The following GOLM1 variants were observed in gnomAD, a reference collection of about 807,000 sequenced individuals.
The protein encoded by GOLM1 is golgi membrane protein 1.
GOLM1 carries 31 observed loss-of-function variants against 50.5 expected under a neutral mutation model. That is an observed-to-expected ratio of 0.61 (90% CI 0.46 to 0.83). The LOEUF is 0.83. Ranked by LOEUF, GOLM1 falls within the 40% of genes least tolerant of loss-of-function variation. The pLI is 0.00. For synonymous variants in GOLM1, 178 were observed against 192.8 expected, an observed-to-expected ratio of 0.92 and a Z score of 0.64; for missense variants, 491 against 501.3, an observed-to-expected ratio of 0.98 and a Z score of 0.20.
intron 4 of GOLM1, among the ~76,000 whole-genome samples, chr9:86,049,146 T>G (rs7039590): frequency 0.17 from 25,835 of 151,614 alleles, 2,634 homozygotes; most frequent in African/African-American, 0.3. Context: ...TTTCCCCATT[T>G]CTTTGGTCAG....
chr9:86,044,354 A>G (rs1238417101), intron 5 of GOLM1, among the ~76,000 whole-genome samples: 3 of 152,190 alleles, frequency 2.0e-5, no homozygotes, highest in African/African-American at 7.2e-5. Flanking sequence ...TTTCAGTTGT[A>G]TGTGGTTATA....
At chr9:86,030,980 G>C (rs1225397928) in intron 9 of GOLM1, among the ~76,000 whole-genome samples, 1 of 152,018 alleles carries the variant, frequency 6.6e-6, no homozygotes, top group Non-Finnish European at 1.5e-5. Context: ...GGGAGGCCAA[G>C]GCAGGCGGAT....
chr9:86,039,250 C>T (rs567883043), intron 6 of GOLM1, among the ~76,000 whole-genome samples: 5 of 152,250 alleles, frequency 3.3e-5, no homozygotes, highest in South Asian at 4.1e-4. Context: ...ACCCAAACAA[C>T]GAGCTGCCAC....
chr9:86,059,965 T>C (rs956274685), intron 3 of GOLM1, among the ~76,000 whole-genome samples: 6 of 139,130 alleles, frequency 4.3e-5, no homozygotes, highest in Non-Finnish European at 6.1e-5. Context: ...ATTGTGAACA[T>C]ACCCAAACCA....
At chr9:86,030,642 T>C (rs1029998930) in intron 9 of GOLM1, among the ~76,000 whole-genome samples, 9 of 152,200 alleles carry the variant, frequency 5.9e-5, no homozygotes, top group Non-Finnish European at 2.9e-5. Context: ...ATAAATGCAG[T>C]GTATAATCCT....
At chr9:86,076,305 C>T (rs987970736) in intron 3 of GOLM1, among the ~76,000 whole-genome samples, 5 of 151,206 alleles carry the variant, frequency 3.3e-5, no homozygotes, top group African/African-American at 1.2e-4. Flanking sequence ...CCTGTAGTCC[C>T]AGCTACTTGG....
chr9:86,037,872 C>T (rs896244862), intron 6 of GOLM1, among the ~76,000 whole-genome samples: 1 of 152,048 alleles, frequency 6.6e-6, no homozygotes, highest in African/African-American at 2.4e-5. Flanking sequence ...AAACCTGCCC[C>T]AGCCAGGCGT....
At chr9:86,071,836 C>G (rs527374247) in intron 3 of GOLM1, among the ~76,000 whole-genome samples, 8 of 152,320 alleles carry the variant, frequency 5.3e-5, no homozygotes, top group African/African-American at 1.9e-4. Flanking sequence ...ACACTGCAAG[C>G]TTGGAAAACC....
intron 9 of GOLM1, among the ~76,000 whole-genome samples, chr9:86,029,222 GC>G (rs1832892235): frequency 6.6e-6 from 1 of 152,188 alleles, no homozygotes; most frequent in Non-Finnish European, 1.5e-5. Flanking sequence ...CAAAGCTGAA[GC>G]ACCTAAAGAT....
intron 6 of GOLM1, chr9:86,036,779 T>A (rs926605339): frequency 4.6e-6 from 2 of 436,272 alleles, no homozygotes; most frequent in African/African-American, 2.0e-5. Flanking sequence ...TACGGAATAA[T>A]AAAATACCTA....
intron 4 of GOLM1, among the ~76,000 whole-genome samples, chr9:86,047,803 CTA>C (rs2118707705): frequency 6.6e-6 from 1 of 152,234 alleles, no homozygotes; most frequent in South Asian, 2.1e-4. Context: ...TCGCAAATAA[CTA>C]TGCTGAGAGA....
At chr9:86,087,987 T>A (rs1304052560) in intron 1 of GOLM1, among the ~76,000 whole-genome samples, 1 of 152,168 alleles carries the variant, frequency 6.6e-6, no homozygotes, top group Non-Finnish European at 1.5e-5. Flanking sequence ...TCTTTTTCTA[T>A]TGTTTGGAAT....
At chr9:86,061,508 C>A (rs897724567) in intron 3 of GOLM1, among the ~76,000 whole-genome samples, 1 of 152,176 alleles carries the variant, frequency 6.6e-6, no homozygotes, top group South Asian at 2.1e-4. Context: ...AAAAGAAAAA[C>A]GAGTAACAGA....
intron 5 of GOLM1, among the ~76,000 whole-genome samples, chr9:86,043,439 G>A (rs930810092): frequency 7.9e-5 from 12 of 152,158 alleles, no homozygotes; most frequent in Non-Finnish European, 1.8e-4. Flanking sequence ...AAGGGAGGGC[G>A]TGCAGATATG....
At chr9:86,033,258 C>T (rs763475766) in intron 9 of GOLM1, 24 bp downstream of exon 9, 1 of 1,289,002 alleles carries the variant, frequency 7.8e-7, no homozygotes, top group Non-Finnish European at 1.1e-6. Context: ...GTGACCTCGT[C>T]ACCGATGTAG....
At chr9:86,080,616 GCTT>G (rs1355959440) in intron 1 of GOLM1, among the ~76,000 whole-genome samples, 1 of 152,070 alleles carries the variant, frequency 6.6e-6, no homozygotes, top group Non-Finnish European at 1.5e-5. Flanking sequence ...TCACCAAAAG[GCTT>G]CTTTTTTCTT....
chr9:86,050,796 G>A (rs1833721092), intron 4 of GOLM1, among the ~76,000 whole-genome samples: 1 of 151,946 alleles, frequency 6.6e-6, no homozygotes, highest in Non-Finnish European at 1.5e-5. Flanking sequence ...CAATTTTGTT[G>A]ATCTTTTCAA....
chr9:86,097,917 A>G (rs1402934903), intron 1 of GOLM1, among the ~76,000 whole-genome samples: 1 of 152,132 alleles, frequency 6.6e-6, no homozygotes, highest in African/African-American at 2.4e-5. Context: ...TGTAAATGCA[A>G]AATCTTTTCA....
At position 86,039,444 on chromosome 9, in the gene GOLM1, C is replaced by T. The variant is rs772488598; in HGVS notation, c.597+1295G>A. Among the ~76,000 whole-genome samples the T allele has an allele frequency of 6.2e-4, 95 of 152,280 alleles. 1 individual carries two copies. Among genetic ancestry groups the T allele is most frequent in the Non-Finnish European group, 1.0e-3 (70 of 68,032 alleles). On this transcript the variant is annotated intron_variant, in intron 6 of 9. Coordinates refer to ENST00000388712, the MANE Select transcript of GOLM1 (RefSeq NM_016548.4). The stretch of plus-strand genomic sequence containing the variant: ...ACCATATAACCCAGCAGTTCCACTC[C>T]TAGGTATTAACCAAGAGAAATGAAA...
Sources: gnomAD v4.1 joint callset for allele counts (sites outside exome capture counted in the v4.1 genomes callset) on GRCh38, gnomAD v4.1.1 for gene constraint, MANE v1.5 for transcripts, NCBI Gene and HGNC (gene_info 2026-07-23, HGNC 2026-07-21) for gene names.